PAX5: variants seen among roughly 807,000 people sequenced by gnomAD.
PAX5 encodes the protein paired box protein Pax-5.
PAX5 carries 9 observed loss-of-function variants against 43.7 expected under a neutral mutation model. The ratio of observed to expected loss-of-function variants is 0.21; its 90% CI spans 0.12 to 0.36. The LOEUF (loss-of-function observed/expected upper bound fraction) is 0.36, where lower values mean the gene tolerates loss of function less well. Ranked by LOEUF, PAX5 falls within the 10% of genes least tolerant of loss-of-function variation. The pLI, the probability that PAX5 is intolerant of heterozygous loss-of-function variation, is 1.00. For synonymous variants in PAX5, 228 were observed against 214.3 expected (o/e 1.06, Z -0.56); for missense variants, 383 against 532.7 (o/e 0.72, Z 2.77).
At chr9:36,923,590 C>A in intron 6 of PAX5, 106 bp from the exon 7 acceptor site, 1 of 1,357,434 alleles carries the variant, frequency 7.4e-7, no homozygotes, top group African/African-American at 1.4e-5. Context: ...TAGTCCATGC[C>A]TGTGCCAAGG....
At chr9:36,966,247 T>C (rs1834420666) in intron 6 of PAX5, among the ~76,000 whole-genome samples, 3 of 152,120 alleles carry the variant, frequency 2.0e-5, no homozygotes, top group Non-Finnish European at 4.4e-5. Context: ...CGAAAGATCA[T>C]TACACCCTTC....
At chr9:36,962,562 G>A (rs7031753) in intron 6 of PAX5, among the ~76,000 whole-genome samples, 1,966 of 152,206 alleles carry the variant, frequency 0.013, 38 homozygotes, top group African/African-American at 0.043. Context: ...GAGGAGGATC[G>A]CTGTCGTCAC....
Position 36,918,450 on chromosome 9 carries a change from C to A in PAX5, c.910+4905G>T, listed in dbSNP as rs150848639. On this transcript the variant is annotated intron_variant, in intron 7 of 9. Coordinates refer to ENST00000358127, the MANE Select transcript of PAX5 (RefSeq NM_016734.3). ...GGCAGAGGTGGGAGGATTGCTTGAG[C>A]CTAGGAGTTTGAGAACAGACTGGGA... 8.5e-5 allele frequency among the ~76,000 whole-genome samples: 13 copies of A among 152,104 alleles called. No individual in the cohort carries two copies. The East Asian group carries it at 2.5e-3, about 29-fold the overall frequency.
At chr9:36,867,814 C>G (rs1034393133) in intron 8 of PAX5, among the ~76,000 whole-genome samples, 4 of 152,192 alleles carry the variant, frequency 2.6e-5, no homozygotes, top group Non-Finnish European at 4.4e-5. Context: ...GCCCGTTGCA[C>G]ATAGACTCCT....
At chr9:36,937,911 T>C (rs547135123) in intron 6 of PAX5, among the ~76,000 whole-genome samples, 3 of 152,350 alleles carry the variant, frequency 2.0e-5, no homozygotes, top group East Asian at 1.9e-4. Context: ...CAGTAACATG[T>C]GGCACTGTTA....
At chr9:36,943,621 G>C (rs1832251155) in intron 6 of PAX5, among the ~76,000 whole-genome samples, 2 of 151,740 alleles carry the variant, frequency 1.3e-5, no homozygotes, top group Admixed American at 1.3e-4. Flanking sequence ...AAGGATCACT[G>C]TGTAAGAATT....
In PAX5 at chr9:36,962,395, A is replaced by G. The variant is rs369446400; in HGVS notation, c.780+4154T>C. Among the ~76,000 whole-genome samples, 10 of 151,578 alleles carry G rather than the reference A, an allele frequency of 6.6e-5. No homozygotes were observed. In the South Asian group the frequency reaches 2.1e-3, roughly 32 times the overall value. ...GCTCTGCGGTTCAACAATCTTGGAA[A>G]CTCCTTGAATAAACAATCTGTGAAA... On this transcript the variant is annotated intron_variant, in intron 6 of 9. Coordinates refer to ENST00000358127, the MANE Select transcript of PAX5 (RefSeq NM_016734.3).
chr9:36,919,957 AG>A (rs1830022232), intron 7 of PAX5, among the ~76,000 whole-genome samples: 1 of 150,846 alleles, frequency 6.6e-6, no homozygotes. Context: ...GATGACTTTG[AG>A]GGCTGAAAAT....
intron 6 of PAX5, among the ~76,000 whole-genome samples, chr9:36,925,116 C>G (rs369529617): frequency 2.6e-5 from 4 of 152,220 alleles, no homozygotes; most frequent in African/African-American, 9.6e-5. Context: ...GGCTGGGACT[C>G]AGGCACATTC....
Position 36,838,325 on chromosome 9 carries a change from G to A in PAX5, c.*2235C>T. ...AGAACCATCTCTCACTGCTCTTACT[G>A]TCAACTCTCCTCAGGAATAGGAGAT... On this transcript the variant is annotated 3_prime_UTR_variant, in exon 10 of 10. Transcript: ENST00000358127. 1 of 232,330 alleles carries A rather than the reference G, an allele frequency of 4.3e-6. No individual in the cohort carries two copies. The highest frequency in any genetic ancestry group is 8.5e-6 in the Non-Finnish European group (1 of 117,520). The allele number at this position is 232,330 out of a possible 1,614,324, so 14.4% of individuals were successfully genotyped here.
At position 37,034,088 on chromosome 9, in the gene PAX5, C is replaced by CTTTTT. The variant is rs368036487; in HGVS notation, c.-62_-58dup. The CTTTTT allele has an allele frequency of 6.0e-5, 27 of 448,682 alleles. No homozygotes were observed. The highest frequency in any genetic ancestry group is 2.7e-4 in the South Asian group (8 of 29,100). The allele number at this position is 448,682 out of a possible 1,614,324, so 27.8% of individuals were successfully genotyped here. A position where few individuals can be genotyped will look rare whatever the true frequency, so the allele number is the denominator to read the frequency against. On this transcript the variant is annotated 5_prime_UTR_variant, in exon 1 of 10. Transcript: ENST00000358127. ...GGGAAAAGTTTCCACTTTTTTGTGC[C>CTTTTT]TTTTTTTTTCTTTTTTTTTTTTTTT...
At chr9:36,849,567 G>A (rs899031414) in intron 8 of PAX5, among the ~76,000 whole-genome samples, 1 of 152,222 alleles carries the variant, frequency 6.6e-6, no homozygotes, top group Non-Finnish European at 1.5e-5. Flanking sequence ...CACGCTTCCA[G>A]AGCAGACTCT....
intron 1 of PAX5, among the ~76,000 whole-genome samples, chr9:37,024,065 T>C (rs2132520139): frequency 6.6e-6 from 1 of 152,320 alleles, no homozygotes; most frequent in South Asian, 2.1e-4. Context: ...GCTCCAGCTG[T>C]GCCAATGTGA....
rs1047748922 is a variant in PAX5, at chr9:37,034,236, C to G, written c.-205G>C. The stretch of plus-strand genomic sequence containing the variant: ...CTAAACGTTTTAGGTGGAAAAAAAG[C>G]GTCCGAAGGCACCGTGAAATGATTA... On this transcript the variant is annotated 5_prime_UTR_variant, in exon 1 of 10. Coordinates refer to ENST00000358127, the MANE Select transcript of PAX5 (RefSeq NM_016734.3). 18 of 565,156 alleles carry G rather than the reference C, an allele frequency of 3.2e-5. 1 individual carries two copies. The African/African-American group carries it at 3.4e-4, about 11-fold the overall frequency. 35.0% of individuals were successfully genotyped at this position (565,156 alleles called of 1,614,324 possible).
At chr9:37,018,669 T>C (rs1839599291) in intron 2 of PAX5, among the ~76,000 whole-genome samples, 1 of 151,376 alleles carries the variant, frequency 6.6e-6, no homozygotes, top group Non-Finnish European at 1.5e-5. Flanking sequence ...AAGGCAGTTC[T>C]AATTAGAGTG....
intron 8 of PAX5, among the ~76,000 whole-genome samples, chr9:36,854,954 G>A (rs1361000009): frequency 2.0e-5 from 3 of 152,218 alleles, no homozygotes; most frequent in Admixed American, 2.0e-4. Flanking sequence ...AGCCTGGCGT[G>A]GAGGCCAGGA....
intron 3 of PAX5, 63 bp from the exon 4 acceptor site, chr9:37,006,600 G>T: frequency 7.6e-7 from 1 of 1,309,100 alleles, no homozygotes; most frequent in Non-Finnish European, 1.1e-6. Flanking sequence ...ACCTCAACCA[G>T]CTATGCACAG....
rs571881836 is a variant in PAX5 at position 36,835,530 on chromosome 9, G to C, written c.*5030C>G. ...TGGTTCCCCCATGAATATGCAAGAG[G>C]GAACCCTGAGGTTTGGGGCAACAGG... On this transcript the variant is annotated 3_prime_UTR_variant, in exon 10 of 10. Transcript: ENST00000358127. 1.8e-4 allele frequency: 42 copies of C among 233,308 alleles called. No homozygotes were observed. The highest frequency in any genetic ancestry group is 2.5e-3 in the Middle Eastern group (2 of 790). 14.5% of individuals were successfully genotyped at this position (233,308 alleles called of 1,614,324 possible).
At chr9:36,874,490 C>A (rs532651224) in intron 8 of PAX5, among the ~76,000 whole-genome samples, 40 of 152,222 alleles carry the variant, frequency 2.6e-4, no homozygotes, top group Non-Finnish European at 4.1e-4. Context: ...TGGACTCCCA[C>A]CCCTGGGAAC....
Sources: allele counts gnomAD v4.1 joint callset (sites outside exome capture counted in the v4.1 genomes callset), GRCh38; gene constraint gnomAD v4.1.1; transcripts MANE v1.5; gene names NCBI Gene and HGNC (gene_info 2026-07-23, HGNC 2026-07-21).